The following MAPT variants were observed in gnomAD, a reference collection of about 807,000 sequenced individuals.
The protein encoded by MAPT is microtubule-associated protein tau.
MAPT carries 34 observed loss-of-function variants against 67.9 expected under a neutral mutation model. The observed-to-expected ratio is 0.50, with a 90% CI of 0.38 to 0.67. The LOEUF is 0.67. MAPT is among the 30% of genes least tolerant of loss of function. The pLI is 0.00. For missense variants in MAPT, 881 were observed against 1,115.2 expected (o/e 0.79, Z 2.99); for synonymous variants, 456 against 464.5 (o/e 0.98, Z 0.23).
intron 12 of MAPT, among the ~76,000 whole-genome samples, chr17:46,021,510 C>T (rs996311013): frequency 5.9e-5 from 9 of 152,294 alleles, no homozygotes; most frequent in Non-Finnish European, 7.4e-5. Flanking sequence ...TTGGTGATTT[C>T]CTGGGTGAAA....
intron 1 of MAPT, among the ~76,000 whole-genome samples, chr17:45,958,089 G>A (rs1203406941): frequency 6.6e-6 from 1 of 152,134 alleles, no homozygotes; most frequent in Non-Finnish European, 1.5e-5. Context: ...GACTTTAGCT[G>A]TTATATTTGG....
chr17:45,941,158 A>G (rs545871468), intron 1 of MAPT, among the ~76,000 whole-genome samples: 2 of 152,340 alleles, frequency 1.3e-5, no homozygotes, highest in East Asian at 3.9e-4. Context: ...ACTCCTACCT[A>G]CGGGAAAACT....
intron 1 of MAPT, among the ~76,000 whole-genome samples, chr17:45,899,714 C>G (rs2063494521): frequency 6.6e-6 from 1 of 152,200 alleles, no homozygotes; most frequent in Admixed American, 6.5e-5. Flanking sequence ...GTAATCGGAG[C>G]ATGACCCAGA....
chr17:45,916,435 C>T (rs570138060), intron 1 of MAPT, among the ~76,000 whole-genome samples: 71 of 152,282 alleles, frequency 4.7e-4, no homozygotes, highest in African/African-American at 1.7e-3. Flanking sequence ...GGGAGAACCC[C>T]GAGAGGCCAC....
Position 45,996,967 on chromosome 17 carries a change from G to A in MAPT, c.1998+303G>A, listed in dbSNP as rs2074534690. 6.6e-6 allele frequency among the ~76,000 whole-genome samples: 1 copy of A among 152,228 alleles called. No homozygotes were observed. The highest frequency in any genetic ancestry group is 2.1e-4 in the South Asian group (1 of 4,832). On this transcript the variant is annotated intron_variant, in intron 9 of 12. Coordinates refer to ENST00000262410, the MANE Select transcript of MAPT (RefSeq NM_001377265.1). This position sits in a 1 kb window ranked among gnomAD's most constrained non-coding sequence, Gnocchi z 4.5. Reference sequence around the variant, plus strand: ...CTTCAGCCCCTGTTAATCGGACAGAGATGGCAGGGCTGTGTCTCCACGGCC... The same window carrying A: ...CTTCAGCCCCTGTTAATCGGACAGAAATGGCAGGGCTGTGTCTCCACGGCC...
At position 45,906,220 on chromosome 17, in the gene MAPT, ACTTC is replaced by A. The variant is rs1274662280; in HGVS notation, c.-18+11539_-18+11542del. On this transcript the variant is annotated intron_variant, in intron 1 of 12. Transcript: ENST00000262410. The surrounding 1 kb of genome is among the most constrained non-coding windows in gnomAD (Gnocchi z 4.3). ...CTGACTTCTCTGGGGAAGGGCTGGG[ACTTC>A]CTTCTGGGCTCAAGTCACGACCCTT... Among the ~76,000 whole-genome samples, 1 of 152,140 alleles carries A rather than the reference ACTTC, an allele frequency of 6.6e-6. No homozygotes were observed. The highest frequency in any genetic ancestry group is 1.5e-5 in the Non-Finnish European group (1 of 68,026).
At chr17:45,974,596 C>T (rs2072121544) in intron 3 of MAPT, 1 of 749,042 alleles carries the variant, frequency 1.3e-6, no homozygotes, top group Admixed American at 2.3e-5. Flanking sequence ...TGGGTGGATT[C>T]TGGCTCCTGG....
intron 1 of MAPT, among the ~76,000 whole-genome samples, chr17:45,916,280 C>T (rs1390110970): frequency 2.0e-5 from 3 of 152,244 alleles, no homozygotes; most frequent in Non-Finnish European, 2.9e-5. Flanking sequence ...TTAATGACTG[C>T]GCTGTTGCGT....
intron 1 of MAPT, chr17:45,907,817 C>T (rs563477919): frequency 6.6e-5 from 10 of 152,346 alleles, no homozygotes; most frequent in Admixed American, 2.0e-4. Context: ...ACCATTGCCT[C>T]GTTAATCCTC....
intron 5 of MAPT, chr17:45,985,763 G>A (rs2073476781): frequency 2.0e-6 from 2 of 982,470 alleles, no homozygotes; most frequent in Non-Finnish European, 2.4e-6. Context: ...GATCCGCCTG[G>A]GGCTCTTACT....
intron 1 of MAPT, among the ~76,000 whole-genome samples, chr17:45,941,709 T>A (rs865970937): frequency 1.9e-5 from 2 of 107,284 alleles, no homozygotes; most frequent in Non-Finnish European, 1.8e-5. Flanking sequence ...CTGCCTGCCT[T>A]CCTTCCTTCC....
intron 1 of MAPT, among the ~76,000 whole-genome samples, chr17:45,924,713 G>A (rs562661663): frequency 6.6e-6 from 1 of 152,364 alleles, no homozygotes; most frequent in East Asian, 1.9e-4. Flanking sequence ...ACAACCAGGA[G>A]TGGCTTATGG....
chr17:45,918,527 G>A (rs1353630252), intron 1 of MAPT, among the ~76,000 whole-genome samples: 2 of 152,192 alleles, frequency 1.3e-5, no homozygotes, highest in Non-Finnish European at 2.9e-5. Flanking sequence ...AAAGCAGAGC[G>A]CACAGCCAGC....
chr17:46,024,959 T>G lies in MAPT; in HGVS notation c.*788T>G, dbSNP rs1331821899. On this transcript the variant is annotated 3_prime_UTR_variant, in exon 13 of 13. Transcript: ENST00000262410. ...CAGCGGGTAAAAAGAGAAGGCAAGC[T>G]GGCAGGAGGGTGGCACTTCGTGGAT... 6.5e-6 allele frequency: 1 copy of G among 153,264 alleles called. No individual in the cohort carries two copies. Among genetic ancestry groups the G allele is most frequent in the Non-Finnish European group, 1.5e-5 (1 of 68,828 alleles). The allele number at this position is 153,264 out of a possible 1,614,324, so 9.5% of individuals were successfully genotyped here.
In MAPT at chr17:45,906,181, A is replaced by G. The variant is rs1460956933; in HGVS notation, c.-18+11495A>G. 6.6e-6 allele frequency among the ~76,000 whole-genome samples: 1 copy of G among 152,188 alleles called. No individual in the cohort carries two copies. The highest frequency in any genetic ancestry group is 1.5e-5 in the Non-Finnish European group (1 of 68,028). On this transcript the variant is annotated intron_variant, in intron 1 of 12. Coordinates refer to ENST00000262410, the MANE Select transcript of MAPT (RefSeq NM_001377265.1). The surrounding 1 kb of genome is among the most constrained non-coding windows in gnomAD (Gnocchi z 4.3). ...TTGAGCATGACCTCAAGTGATTTCC[A>G]GCCCCTGCCAGTGCTGACTTCTCTG... is the stretch of plus-strand genomic sequence containing the variant.
intron 1 of MAPT, chr17:45,898,009 G>T (rs1333618718): frequency 8.9e-6 from 1 of 112,746 alleles, no homozygotes; most frequent in Non-Finnish European, 2.4e-5. Context: ...TGTATAAGCT[G>T]CTTATATTTA....
chr17:46,007,541 G>A (rs2075536600), intron 9 of MAPT, among the ~76,000 whole-genome samples: 1 of 152,058 alleles, frequency 6.6e-6, no homozygotes, highest in South Asian at 2.1e-4. Flanking sequence ...GTAAATATGT[G>A]CATGTTAGAA....
intron 2 of MAPT, among the ~76,000 whole-genome samples, chr17:45,966,931 A>T (rs2071148209): frequency 6.6e-6 from 1 of 152,250 alleles, no homozygotes; most frequent in Non-Finnish European, 1.5e-5. Flanking sequence ...AGCAAGTAAT[A>T]CTTAAGGTGT....
rs62056782 is a variant in MAPT at position 45,896,864 on chromosome 17, C to T, written c.-18+2178C>T. ...GCCAACGAATCCATGCCTCGCCCTC[C>T]TGTGATGAACCTGGTACGCACGGTT... On this transcript the variant is annotated intron_variant, in intron 1 of 12. Transcript: ENST00000262410. The surrounding 1 kb of genome is among the most constrained non-coding windows in gnomAD (Gnocchi z 5.6). 0.14 allele frequency: 21,870 copies of T among 152,488 alleles called. 2,144 individuals are homozygous for T. The highest frequency in any genetic ancestry group is 0.22 in the Middle Eastern group (64 of 294). 9.4% of individuals were successfully genotyped at this position (152,488 alleles called of 1,614,324 possible). A position where few individuals can be genotyped will look rare whatever the true frequency, so the allele number is the denominator to read the frequency against.
Sources: allele counts gnomAD v4.1 joint callset (sites outside exome capture counted in the v4.1 genomes callset), GRCh38; gene constraint gnomAD v4.1.1; non-coding constraint Gnocchi (gnomAD v3.1); transcripts MANE v1.5; gene names NCBI Gene and HGNC (gene_info 2026-07-23, HGNC 2026-07-21).